Variants in WDR33 observed in about 807,000 individuals in gnomAD.
WDR33 encodes the protein WD repeat domain 33.
In WDR33, 47 loss-of-function variants were observed where a neutral mutation model predicts 164.9. The observed-to-expected ratio is 0.29, with a 90% CI of 0.23 to 0.36. The LOEUF is 0.36. Among genes scored for constraint, WDR33 ranks in the 10% least tolerant of loss-of-function variants. The pLI is 1.00. For missense variants in WDR33, 1,137 were observed against 1,754.1 expected (o/e 0.65, Z 6.28); for synonymous variants, 505 against 589.0 (o/e 0.86, Z 2.06).
rs987420330 is a variant in WDR33 at position 127,717,673 on chromosome 2, G to C, written c.2761-410C>G. ...TTTCATCAGGCAACTTCTGAGATCTGAAATGCCCTACAAAGTATCAGATCT... is the reference window on the plus strand; with the variant it reads ...TTTCATCAGGCAACTTCTGAGATCTCAAATGCCCTACAAAGTATCAGATCT... On this transcript the variant is annotated intron_variant, in intron 16 of 21. Coordinates refer to ENST00000322313, the MANE Select transcript of WDR33 (RefSeq NM_018383.5). The surrounding 1 kb of genome is among the most constrained non-coding windows in gnomAD (Gnocchi z 5.6). Among the ~76,000 whole-genome samples, 7 of 152,172 alleles carry C rather than the reference G, an allele frequency of 4.6e-5. No individual in the cohort carries two copies. The highest frequency in any genetic ancestry group is 1.7e-4 in the African/African-American group (7 of 41,440).
intron 7 of WDR33, among the ~76,000 whole-genome samples, chr2:127,744,259 T>C (rs1687106045): frequency 6.6e-6 from 1 of 152,130 alleles, no homozygotes; most frequent in Admixed American, 6.5e-5. Context: ...TCTAACCTAA[T>C]GGAAAATTTA....
At chr2:127,771,773 G>A (rs2105445771) in intron 1 of WDR33, among the ~76,000 whole-genome samples, 2 of 137,458 alleles carry the variant, frequency 1.5e-5, no homozygotes, top group South Asian at 5.5e-4. Flanking sequence ...GAGAGACCCT[G>A]TTGGAAAGAA....
intron 7 of WDR33, among the ~76,000 whole-genome samples, chr2:127,742,136 T>C (rs1687034219): frequency 1.3e-5 from 2 of 151,856 alleles, no homozygotes; most frequent in African/African-American, 4.8e-5. Flanking sequence ...CAGGATGAAC[T>C]TGGGAGGCAG....
At position 127,709,014 on chromosome 2, in the gene WDR33, A is replaced by G; in HGVS notation, c.3566-122T>C. Reference sequence around the variant, plus strand: ...CGTTCACTCATGCTGAATGCCCGCCAGAGGCCAAAGGGTAAGCCACCCAGA... The same window carrying G: ...CGTTCACTCATGCTGAATGCCCGCCGGAGGCCAAAGGGTAAGCCACCCAGA... On this transcript the variant is annotated intron_variant, in intron 20 of 21. Transcript: ENST00000322313. This position sits in a 1 kb window ranked among gnomAD's most constrained non-coding sequence, Gnocchi z 5.0. 1 of 1,097,468 alleles carries G rather than the reference A, an allele frequency of 9.1e-7. No homozygotes were observed. Among genetic ancestry groups the G allele is most frequent in the South Asian group, 2.0e-5 (1 of 49,820 alleles). The allele number at this position is 1,097,468 out of a possible 1,614,324, so 68.0% of individuals were successfully genotyped here.
In WDR33 at chr2:127,724,941, T is replaced by C. The variant is rs748694998; in HGVS notation, c.1031A>G (p.Glu344Gly). The change falls in exon 10 of 22, where the codon GAA becomes GGA. Residue 344 changes from glutamate to glycine, a missense_variant. Transcript: ENST00000322313. This position sits in a 1 kb window ranked among gnomAD's most constrained non-coding sequence, Gnocchi z 4.8. ...ATAVAWHPVH[E>G]GLFASGGSDG... is the part of the protein sequence containing the mutation. ...AGACCCTCCACTGGCAAAAAGTCCT[T>C]CATGAACAGGATGCCAGGCCACAGC... 2 of 1,614,164 alleles carry C rather than the reference T, an allele frequency of 1.2e-6. No individual in the cohort carries two copies. Among genetic ancestry groups the C allele is most frequent in the Non-Finnish European group, 1.7e-6 (2 of 1,180,024 alleles).
chr2:127,809,485 G>A (rs773531283), intron 1 of WDR33, among the ~76,000 whole-genome samples: 51 of 135,162 alleles, frequency 3.8e-4, no homozygotes, highest in Non-Finnish European at 6.4e-4. Flanking sequence ...GCCCAGGCTA[G>A]AGTGCAATGG....
At chr2:127,805,210 T>C in intron 1 of WDR33, among the ~76,000 whole-genome samples, 1 of 151,472 alleles carries the variant, frequency 6.6e-6, no homozygotes, top group East Asian at 1.9e-4. Flanking sequence ...CCCAAGTAGC[T>C]GGGACTACAG....
At chr2:127,711,668 A>G (rs1388544142) in intron 18 of WDR33, among the ~76,000 whole-genome samples, 1 of 146,900 alleles carries the variant, frequency 6.8e-6, no homozygotes, top group Non-Finnish European at 1.5e-5. Flanking sequence ...CGACTATGTC[A>G]TGCTTCTGAG....
At chr2:127,767,244 T>C (rs572101588) in intron 4 of WDR33, among the ~76,000 whole-genome samples, 10 of 152,288 alleles carry the variant, frequency 6.6e-5, no homozygotes, top group Admixed American at 1.3e-4. Flanking sequence ...CTTTTCTCGG[T>C]CTCATTTTTT....
At chr2:127,799,826 C>T (rs10169904) in intron 1 of WDR33, among the ~76,000 whole-genome samples, 3,234 of 152,228 alleles carry the variant, frequency 0.021, 125 homozygotes, top group African/African-American at 0.075. Flanking sequence ...CCCAAGAGTT[C>T]GAGGCTGCAG....
At chr2:127,711,007 C>T (rs924410518) in intron 18 of WDR33, among the ~76,000 whole-genome samples, 4 of 152,220 alleles carry the variant, frequency 2.6e-5, no homozygotes, top group Admixed American at 2.6e-4. Flanking sequence ...AGCTTTACCC[C>T]TAAATCCTTC....
chr2:127,757,358 A>G (rs1481126258), intron 7 of WDR33, among the ~76,000 whole-genome samples: 1 of 152,090 alleles, frequency 6.6e-6, no homozygotes, highest in Non-Finnish European at 1.5e-5. Flanking sequence ...TACTACACAA[A>G]CTTGTTTAAA....
chr2:127,807,209 T>C, intron 1 of WDR33, among the ~76,000 whole-genome samples: 1 of 152,210 alleles, frequency 6.6e-6, no homozygotes, highest in East Asian at 1.9e-4. Flanking sequence ...TTTCACCATG[T>C]TGGCCAGGCT....
chr2:127,759,298 C>T (rs1199157514), intron 7 of WDR33, among the ~76,000 whole-genome samples: 3 of 152,202 alleles, frequency 2.0e-5, no homozygotes, highest in Non-Finnish European at 4.4e-5. Context: ...GTCAACAGAT[C>T]TATGCTCATT....
rs1374110062 is a variant in WDR33, at chr2:127,714,560, T to C, written c.2870-539A>G. On this transcript the variant is annotated intron_variant, in intron 17 of 21. Coordinates refer to ENST00000322313, the MANE Select transcript of WDR33 (RefSeq NM_018383.5). This position sits in a 1 kb window ranked among gnomAD's most constrained non-coding sequence, Gnocchi z 4.3. ...TACATGCAATCACCAGCCTCTCAAA[T>C]ACCTGCCTGATGACCAAACAGCCCT... Among the ~76,000 whole-genome samples the C allele has an allele frequency of 6.6e-6, 1 of 152,186 alleles. No homozygotes were observed. Among genetic ancestry groups the C allele is most frequent in the African/African-American group, 2.4e-5 (1 of 41,454 alleles).
At position 127,712,067 on chromosome 2, in the gene WDR33, C is replaced by T. The variant is rs1458642481; in HGVS notation, c.3308+1516G>A. On this transcript the variant is annotated intron_variant, in intron 18 of 21. Transcript: ENST00000322313. This position sits in a 1 kb window ranked among gnomAD's most constrained non-coding sequence, Gnocchi z 4.0. ...GATTACAAGCGTGAGCCACTGTGCC[C>T]GGCCTTAACCATCTATTCACAAGAA... Among the ~76,000 whole-genome samples, 2 of 151,734 alleles carry T rather than the reference C, an allele frequency of 1.3e-5. No individual in the cohort carries two copies. Among genetic ancestry groups the T allele is most frequent in the African/African-American group, 2.4e-5 (1 of 41,320 alleles).
Position 127,729,490 on chromosome 2 carries a change from C to T in WDR33, c.725-2713G>A, listed in dbSNP as rs566350410. ...GACAGTGAATTGGAACAGGGAGAGA[C>T]TATTCTTTTTTTTTTTTTTGAGATG... On this transcript the variant is annotated intron_variant, in intron 7 of 21. Coordinates refer to ENST00000322313, the MANE Select transcript of WDR33 (RefSeq NM_018383.5). 3.3e-5 allele frequency among the ~76,000 whole-genome samples: 5 copies of T among 151,612 alleles called. No individual in the cohort carries two copies. The South Asian group carries it at 1.0e-3, about 32-fold the overall frequency.
rs2270160 is a variant in WDR33, at chr2:127,710,789, A to G, written c.3309-933T>C. Among the ~76,000 whole-genome samples, 66,632 of 152,048 alleles carry G rather than the reference A, an allele frequency of 0.44. 15,413 individuals carry two copies. Among genetic ancestry groups the G allele is most frequent in the African/African-American group, 0.58 (24,147 of 41,466 alleles). ...CCAGGCCAGGCCTCTGCTCTTCCTC[A>G]GGTTTCCATTCCATTGCCTTTATCC... On this transcript the variant is annotated intron_variant, in intron 18 of 21. Coordinates refer to ENST00000322313, the MANE Select transcript of WDR33 (RefSeq NM_018383.5). The surrounding 1 kb of genome is among the most constrained non-coding windows in gnomAD (Gnocchi z 4.4).
Position 127,718,445 on chromosome 2 carries a change from T to C in WDR33, c.2760+820A>G, listed in dbSNP as rs946756208. Among the ~76,000 whole-genome samples the C allele has an allele frequency of 6.6e-6, 1 of 152,094 alleles. No homozygotes were observed. Among genetic ancestry groups the C allele is most frequent in the African/African-American group, 2.4e-5 (1 of 41,422 alleles). On this transcript the variant is annotated intron_variant, in intron 16 of 21. Transcript: ENST00000322313. This position sits in a 1 kb window ranked among gnomAD's most constrained non-coding sequence, Gnocchi z 4.4. ...ACTTGAGAAAAGCATAAAATGCACATAGCTGAGCAGTATTACATCTATTTA... is the reference window on the plus strand; with the variant it reads ...ACTTGAGAAAAGCATAAAATGCACACAGCTGAGCAGTATTACATCTATTTA...
Sources: gnomAD v4.1 joint callset for allele counts (sites outside exome capture counted in the v4.1 genomes callset) on GRCh38, gnomAD v4.1.1 for gene constraint, Gnocchi (gnomAD v3.1) non-coding constraint, MANE v1.5 for transcripts, NCBI Gene and HGNC (gene_info 2026-07-23, HGNC 2026-07-21) for gene names.